Variants in RAP1A observed in about 807,000 individuals in gnomAD.
RAP1A encodes RAP1A, member of RAS oncogene family.
A neutral mutation model predicts 26.4 loss-of-function variants in RAP1A; 6 were observed. That is an observed-to-expected ratio of 0.23 (90% CI 0.12 to 0.45). RAP1A has a LOEUF of 0.45. Among genes scored for constraint, RAP1A ranks in the 20% least tolerant of loss-of-function variants. The pLI is 0.99. For synonymous variants in RAP1A, 73 were observed against 79.4 expected (o/e 0.92, Z 0.43); for missense variants, 121 against 217.2 (o/e 0.56, Z 2.78).
intron 1 of RAP1A, among the ~76,000 whole-genome samples, chr1:111,687,074 G>A (rs530628664): frequency 5.3e-4 from 80 of 151,956 alleles, no homozygotes; most frequent in Middle Eastern, 3.4e-3. Flanking sequence ...TAGACAATTT[G>A]CATTTAAGGT....
At chr1:111,562,324 G>C (rs1000613911) in intron 1 of RAP1A, among the ~76,000 whole-genome samples, 1 of 152,064 alleles carries the variant, frequency 6.6e-6, no homozygotes, top group Non-Finnish European at 1.5e-5. Flanking sequence ...ACCATAATAG[G>C]AGGTCAAGAA....
At chr1:111,614,158 T>C (rs781138386) in intron 1 of RAP1A, among the ~76,000 whole-genome samples, 6 of 152,218 alleles carry the variant, frequency 3.9e-5, no homozygotes, top group Non-Finnish European at 7.3e-5. Context: ...GCTCTCCGCT[T>C]TTGTATAAAT....
intron 1 of RAP1A, among the ~76,000 whole-genome samples, chr1:111,657,895 T>C (rs943226750): frequency 2.0e-5 from 3 of 152,220 alleles, no homozygotes; most frequent in Non-Finnish European, 4.4e-5. Context: ...TTTAGAAATA[T>C]GTTGTTTAGT....
At chr1:111,709,642 A>G (rs1011581150) in intron 7 of RAP1A, among the ~76,000 whole-genome samples, 1 of 152,220 alleles carries the variant, frequency 6.6e-6, no homozygotes, top group African/African-American at 2.4e-5. Flanking sequence ...GAATTATCCC[A>G]AAGTGACATA....
chr1:111,661,367 A>G (rs1332425127), intron 1 of RAP1A, among the ~76,000 whole-genome samples: 9 of 152,212 alleles, frequency 5.9e-5, no homozygotes, highest in Admixed American at 5.2e-4. Flanking sequence ...AGGCTATTAT[A>G]GGGATCCAGG....
At chr1:111,695,994 T>C (rs1251276050) in intron 3 of RAP1A, among the ~76,000 whole-genome samples, 3 of 152,158 alleles carry the variant, frequency 2.0e-5, no homozygotes, top group Non-Finnish European at 4.4e-5. Context: ...AGGATGTTGA[T>C]GGTGGGGTGA....
intron 1 of RAP1A, among the ~76,000 whole-genome samples, chr1:111,560,670 G>T (rs1393251098): frequency 1.3e-5 from 2 of 151,748 alleles, no homozygotes; most frequent in African/African-American, 4.9e-5. Context: ...TTTTCCATTT[G>T]TTGGAGAGAC....
intron 1 of RAP1A, among the ~76,000 whole-genome samples, chr1:111,601,059 A>G (rs1242712336): frequency 6.6e-6 from 1 of 152,170 alleles, no homozygotes; most frequent in Non-Finnish European, 1.5e-5. Context: ...ATAACAGCAG[A>G]ATGTGGGATT....
intron 4 of RAP1A, 83 bp from the exon 5 acceptor site, chr1:111,703,253 C>T (rs1662078455): frequency 1.0e-6 from 1 of 964,102 alleles, no homozygotes. Context: ...ATGTTACTCA[C>T]TTGTAATTAT....
chr1:111,585,452 T>C (rs543218799), intron 1 of RAP1A, among the ~76,000 whole-genome samples: 12 of 151,820 alleles, frequency 7.9e-5, no homozygotes, highest in Non-Finnish European at 1.3e-4. Flanking sequence ...CAAAGATTAG[T>C]AGATATTAAA....
rs201007053 is a variant in RAP1A at position 111,603,883 on chromosome 1, C to G, written c.-28+61374C>G. Among the ~76,000 whole-genome samples, 15 of 152,322 alleles carry G rather than the reference C, an allele frequency of 9.8e-5. No individual in the cohort carries two copies. The East Asian group carries it at 2.7e-3, about 27-fold the overall frequency. Reference sequence around the variant, plus strand: ...TTGACCCTGAAAGCTGTCTTTGCCTCCAGCTACATTTTCAGATGACCTTCA... The same window carrying G: ...TTGACCCTGAAAGCTGTCTTTGCCTGCAGCTACATTTTCAGATGACCTTCA... On this transcript the variant is annotated intron_variant, in intron 1 of 7. Transcript: ENST00000356415.
intron 3 of RAP1A, 74 bp downstream of exon 3, chr1:111,695,483 C>T (rs1028136469): frequency 9.0e-7 from 1 of 1,109,158 alleles, no homozygotes; most frequent in Non-Finnish European, 1.3e-6. Context: ...TGTAGATTTG[C>T]TTTTTGAAAA....
intron 1 of RAP1A, among the ~76,000 whole-genome samples, chr1:111,651,927 T>C (rs1406858629): frequency 6.7e-6 from 1 of 148,546 alleles, no homozygotes; most frequent in East Asian, 2.0e-4. Context: ...TATATGTATT[T>C]TTTAATTGAC....
intron 1 of RAP1A, among the ~76,000 whole-genome samples, chr1:111,645,076 A>G (rs1660021727): frequency 6.6e-6 from 1 of 152,202 alleles, no homozygotes. Flanking sequence ...GAATTTGGTT[A>G]AGAGATGATG....
At position 111,695,338 on chromosome 1, in the gene RAP1A, C is replaced by T. The variant is rs773242596; in HGVS notation, c.58-3C>T. 1.1e-5 allele frequency: 17 copies of T among 1,560,350 alleles called. No homozygotes were observed. Among genetic ancestry groups the T allele is most frequent in the Non-Finnish European group, 1.2e-5 (14 of 1,159,356 alleles). On this transcript the variant is annotated splice_region_variant and splice_polypyrimidine_tract_variant and intron_variant, in intron 2 of 7. Transcript: ENST00000369709. ...TTAATATTTCTCTTTTTTTTTCCCCCAGACAGTTCAGTTTGTTCAGGGAAT... is the reference window on the plus strand; with the variant it reads ...TTAATATTTCTCTTTTTTTTTCCCCTAGACAGTTCAGTTTGTTCAGGGAAT...
chr1:111,647,745 G>T, intron 1 of RAP1A, among the ~76,000 whole-genome samples: 1 of 150,266 alleles, frequency 6.7e-6, no homozygotes. Context: ...ATTAAGAGAT[G>T]AGGTCCAAGC....
At chr1:111,582,524 T>C (rs1658277347) in intron 1 of RAP1A, among the ~76,000 whole-genome samples, 1 of 152,218 alleles carries the variant, frequency 6.6e-6, no homozygotes, top group Non-Finnish European at 1.5e-5. Context: ...AAACGAGCTA[T>C]GTAACTTACA....
chr1:111,557,422 C>T (rs948359207), intron 1 of RAP1A, among the ~76,000 whole-genome samples: 1 of 151,738 alleles, frequency 6.6e-6, no homozygotes, highest in African/African-American at 2.4e-5. Flanking sequence ...TGGTGGGACC[C>T]GCCTGTAGTC....
chr1:111,652,435 G>A (rs1323078893), intron 1 of RAP1A, among the ~76,000 whole-genome samples: 4 of 151,942 alleles, frequency 2.6e-5, no homozygotes, highest in Non-Finnish European at 5.9e-5. Context: ...TCCAAGACCT[G>A]TTTTGTATGG....
Sources: gnomAD v4.1 joint callset for allele counts (sites outside exome capture counted in the v4.1 genomes callset) on GRCh38, gnomAD v4.1.1 for gene constraint, MANE v1.5 for transcripts, NCBI Gene and HGNC (gene_info 2026-07-23, HGNC 2026-07-21) for gene names.